Variants in PLD1 observed in about 807,000 individuals in gnomAD.
The protein encoded by PLD1 is choline phosphatase 1.
In PLD1, 112 loss-of-function variants were observed where a neutral mutation model predicts 137.1. That is an observed-to-expected ratio of 0.82 (90% CI 0.70 to 0.96). The LOEUF (loss-of-function observed/expected upper bound fraction) is 0.96, where lower values mean the gene tolerates loss of function less well. PLD1 is among the 40% of genes least tolerant of loss of function. PLD1 has a pLI of 0.00. For missense variants in PLD1, 1,321 were observed against 1,342.0 expected, an observed-to-expected ratio of 0.98 and a Z score of 0.24; for synonymous variants, 431 against 454.7, an observed-to-expected ratio of 0.95 and a Z score of 0.66.
intron 11 of PLD1, among the ~76,000 whole-genome samples, chr3:171,704,263 C>T (rs554821508): frequency 1.3e-5 from 2 of 152,222 alleles, no homozygotes; most frequent in Non-Finnish European, 2.9e-5. Flanking sequence ...AAGGCATTAA[C>T]AACAAAACCG....
At chr3:171,733,776 T>C (rs907853974) in intron 5 of PLD1, among the ~76,000 whole-genome samples, 1 of 152,200 alleles carries the variant, frequency 6.6e-6, no homozygotes, top group Admixed American at 6.5e-5. Flanking sequence ...AGCCCTATTA[T>C]ATGTATATAG....
At chr3:171,642,279 A>G (rs1735820036) in intron 23 of PLD1, among the ~76,000 whole-genome samples, 1 of 151,796 alleles carries the variant, frequency 6.6e-6, no homozygotes, top group South Asian at 2.1e-4. Context: ...ACACGGTGAA[A>G]CCTCGTCTCT....
At chr3:171,782,458 T>C (rs1385495971) in intron 1 of PLD1, among the ~76,000 whole-genome samples, 1 of 152,246 alleles carries the variant, frequency 6.6e-6, no homozygotes, top group Non-Finnish European at 1.5e-5. Context: ...ATATGTACCC[T>C]GAAATGTTTA....
chr3:171,684,009 C>G (rs935757199), intron 16 of PLD1, among the ~76,000 whole-genome samples: 3 of 152,196 alleles, frequency 2.0e-5, no homozygotes, highest in African/African-American at 2.4e-5. Context: ...CTATCTCTCT[C>G]TCTGTCTCTC....
intron 8 of PLD1, among the ~76,000 whole-genome samples, chr3:171,724,194 T>C (rs971715570): frequency 3.9e-5 from 6 of 152,212 alleles, no homozygotes; most frequent in Admixed American, 3.9e-4. Flanking sequence ...GTTTAACAGT[T>C]TAAAGAACTG....
intron 1 of PLD1, among the ~76,000 whole-genome samples, chr3:171,790,856 C>T (rs1339387360): frequency 3.3e-5 from 5 of 152,152 alleles, no homozygotes; most frequent in Non-Finnish European, 7.4e-5. Context: ...AAAGCCACTA[C>T]CTGGGGGCTC....
chr3:171,776,925 T>G (rs1332559527), intron 1 of PLD1, among the ~76,000 whole-genome samples: 2 of 152,220 alleles, frequency 1.3e-5, no homozygotes, highest in Non-Finnish European at 2.9e-5. Context: ...AAATTTTATC[T>G]CAAGGTTAAC....
intron 18 of PLD1, among the ~76,000 whole-genome samples, chr3:171,674,970 T>C (rs1178023940): frequency 9.8e-6 from 1 of 102,010 alleles, no homozygotes; most frequent in Non-Finnish European, 1.8e-5. Flanking sequence ...CAAGAGTGAA[T>C]CTCCATCTCA....
At chr3:171,737,862 T>C (rs773070461) in intron 2 of PLD1, 30 bp downstream of exon 2, 1 of 1,591,134 alleles carries the variant, frequency 6.3e-7, no homozygotes, top group Admixed American at 1.8e-5. Context: ...ATAAACTCTT[T>C]TCTTCCCCGC....
chr3:171,614,151 T>C (rs1241394333), intron 24 of PLD1, among the ~76,000 whole-genome samples: 1 of 152,188 alleles, frequency 6.6e-6, no homozygotes, highest in Non-Finnish European at 1.5e-5. Context: ...ACTATGGATG[T>C]GAGTGTTTCC....
At chr3:171,673,484 T>C (rs1323647504) in intron 19 of PLD1, among the ~76,000 whole-genome samples, 1 of 152,052 alleles carries the variant, frequency 6.6e-6, no homozygotes, top group African/African-American at 2.4e-5. Context: ...TTGGCCAGGC[T>C]GGTCTCGAAC....
At chr3:171,627,053 C>T (rs1278180921) in intron 23 of PLD1, among the ~76,000 whole-genome samples, 2 of 152,030 alleles carry the variant, frequency 1.3e-5, no homozygotes, top group Non-Finnish European at 2.9e-5. Context: ...AATTAAAAGA[C>T]ACAGACTGGC....
chr3:171,727,729 G>A (rs1477930480), intron 6 of PLD1, among the ~76,000 whole-genome samples: 3 of 151,948 alleles, frequency 2.0e-5, no homozygotes, highest in African/African-American at 7.3e-5. Context: ...CATCACAGAG[G>A]CAGGGGCATT....
chr3:171,619,934 G>A (rs958754644), intron 24 of PLD1, among the ~76,000 whole-genome samples: 13 of 151,498 alleles, frequency 8.6e-5, no homozygotes, highest in South Asian at 4.2e-4. Flanking sequence ...AAAAAAAAAA[G>A]GGAGTAATAA....
chr3:171,691,957 A>C (rs1715202629), intron 13 of PLD1, among the ~76,000 whole-genome samples: 2 of 152,222 alleles, frequency 1.3e-5, no homozygotes, highest in Admixed American at 1.3e-4. Context: ...ATCCTAGAGG[A>C]GATCTCTTTG....
At chr3:171,802,646 C>A (rs138580819) in intron 1 of PLD1, among the ~76,000 whole-genome samples, 1 of 152,162 alleles carries the variant, frequency 6.6e-6, no homozygotes, top group African/African-American at 2.4e-5. Context: ...GTTACACAGA[C>A]GCTAAAGTAG....
At chr3:171,618,699 A>G (rs1266665408) in intron 24 of PLD1, among the ~76,000 whole-genome samples, 1 of 150,318 alleles carries the variant, frequency 6.7e-6, no homozygotes, top group Middle Eastern at 3.2e-3. Context: ...TAAATGTGCT[A>G]TACAAATATT....
At chr3:171,621,040 G>C (rs1348530351) in intron 23 of PLD1, among the ~76,000 whole-genome samples, 1 of 151,920 alleles carries the variant, frequency 6.6e-6, no homozygotes, top group Non-Finnish European at 1.5e-5. Flanking sequence ...TCAGCGTGAA[G>C]CATCAGTTAA....
chr3:171,624,540 C>G (rs1043497464), intron 23 of PLD1, among the ~76,000 whole-genome samples: 3 of 151,762 alleles, frequency 2.0e-5, no homozygotes, highest in Non-Finnish European at 4.4e-5. Context: ...AAATATATAC[C>G]TTCAACAAAT....
Sources: allele counts gnomAD v4.1 joint callset (sites outside exome capture counted in the v4.1 genomes callset), GRCh38; gene constraint gnomAD v4.1.1; transcripts MANE v1.5; gene names NCBI Gene and HGNC (gene_info 2026-07-23, HGNC 2026-07-21).